The following PTCHD4 variants were observed in gnomAD, a reference collection of about 807,000 sequenced individuals.
The protein encoded by PTCHD4 is patched domain containing 4, also known as patched domain-containing protein 4.
Under a neutral mutation model 58.1 loss-of-function variants are expected in PTCHD4, and 33 were observed. That is an observed-to-expected ratio of 0.57 (90% CI 0.43 to 0.76). PTCHD4 has a LOEUF of 0.76. Ranked by LOEUF, PTCHD4 falls within the 30% of genes least tolerant of loss-of-function variation. PTCHD4 has a pLI of 0.00. For missense variants in PTCHD4, 1,058 were observed against 1,027.1 expected (o/e 1.03, Z -0.41); for synonymous variants, 478 against 409.6 (o/e 1.17, Z -2.02).
At chr6:48,006,914 C>T (rs1379452379) in intron 4 of PTCHD4, among the ~76,000 whole-genome samples, 1 of 152,064 alleles carries the variant, frequency 6.6e-6, no homozygotes, top group Non-Finnish European at 1.5e-5. Flanking sequence ...CATTATATTC[C>T]CCATTTTATA....
intron 4 of PTCHD4, among the ~76,000 whole-genome samples, chr6:47,974,519 G>C (rs75908009): frequency 2.7e-5 from 4 of 149,926 alleles, no homozygotes; most frequent in African/African-American, 7.5e-5. Context: ...TTGTTGTTGT[G>C]GGGGGGGCTG....
At chr6:48,020,379 G>GA (rs1763023310) in intron 3 of PTCHD4, among the ~76,000 whole-genome samples, 1 of 151,986 alleles carries the variant, frequency 6.6e-6, no homozygotes. Context: ...GGGATTCTTG[G>GA]AAAAAATTTA....
At chr6:47,970,436 G>GA (rs1312278377) in intron 4 of PTCHD4, among the ~76,000 whole-genome samples, 1 of 152,150 alleles carries the variant, frequency 6.6e-6, no homozygotes, top group African/African-American at 2.4e-5. Flanking sequence ...CAGAATCTTA[G>GA]AAAAATGCAA....
At chr6:47,950,248 AG>A (rs1766592013) in intron 4 of PTCHD4, among the ~76,000 whole-genome samples, 1 of 152,100 alleles carries the variant, frequency 6.6e-6, no homozygotes, top group African/African-American at 2.4e-5. Flanking sequence ...GAGGGTTTGA[AG>A]GGGGAAAGTT....
chr6:47,984,225 A>G (rs1365941191), intron 4 of PTCHD4, among the ~76,000 whole-genome samples: 1 of 152,156 alleles, frequency 6.6e-6, no homozygotes, highest in Admixed American at 6.5e-5. Flanking sequence ...TAAAGATACT[A>G]CCTGAAACTG....
intron 4 of PTCHD4, among the ~76,000 whole-genome samples, chr6:47,888,911 G>C (rs1764285391): frequency 9.6e-6 from 1 of 104,558 alleles, no homozygotes; most frequent in Non-Finnish European, 1.9e-5. Context: ...TGCGGTGTTT[G>C]GTTTTTTGTT....
At position 47,859,313 on chromosome 6, in the gene PTCHD4, A is replaced by G. The variant is rs1763367131; in HGVS notation, c.*18990T>C. ...TACGAGCACAGTCCCTGCTCTGCCAAAGGAAACCATGTCTTTTGTTAAAGT... is the reference window on the plus strand; with the variant it reads ...TACGAGCACAGTCCCTGCTCTGCCAGAGGAAACCATGTCTTTTGTTAAAGT... On this transcript the variant is annotated 3_prime_UTR_variant, in exon 5 of 5. Coordinates refer to ENST00000339488, the MANE Select transcript of PTCHD4 (RefSeq NM_001384253.1). 6.6e-6 allele frequency among the ~76,000 whole-genome samples: 1 copy of G among 152,012 alleles called. No homozygotes were observed. Among genetic ancestry groups the G allele is most frequent in the Non-Finnish European group, 1.5e-5 (1 of 67,982 alleles).
intron 4 of PTCHD4, among the ~76,000 whole-genome samples, chr6:47,917,057 T>C (rs1765280534): frequency 6.6e-6 from 1 of 152,110 alleles, no homozygotes; most frequent in Admixed American, 6.6e-5. Context: ...CAACTTTGTA[T>C]GTAAAACATG....
In PTCHD4 at chr6:47,860,857, T is replaced by C. The variant is rs1298564806; in HGVS notation, c.*17446A>G. 5.3e-5 allele frequency among the ~76,000 whole-genome samples: 8 copies of C among 152,022 alleles called. No homozygotes were observed. Among genetic ancestry groups the C allele is most frequent in the Non-Finnish European group, 1.2e-4 (8 of 67,956 alleles). ...AAAATACTTTCATAAAAATTATTTA[T>C]CCTGAGATAAACTCTTTATGATTTT... is the stretch of plus-strand genomic sequence containing the variant. On this transcript the variant is annotated 3_prime_UTR_variant, in exon 5 of 5. Transcript: ENST00000339488.
rs190408641 is a variant in PTCHD4 at position 47,997,018 on chromosome 6, A to G, written c.898+11616T>C. Among the ~76,000 whole-genome samples, 427 of 152,342 alleles carry G rather than the reference A, an allele frequency of 2.8e-3. 5 individuals are homozygous for G. Among genetic ancestry groups the G allele is most frequent in the African/African-American group, 8.8e-3 (365 of 41,574 alleles). On this transcript the variant is annotated intron_variant, in intron 4 of 4. Transcript: ENST00000339488. The stretch of plus-strand genomic sequence containing the variant: ...CCGCATTGTGGCAACACAGTAAAGT[A>G]TATACCCTTGCCTCGACTCTTGATC...
chr6:47,896,040 T>G (rs1764519033), intron 4 of PTCHD4, among the ~76,000 whole-genome samples: 1 of 152,206 alleles, frequency 6.6e-6, no homozygotes, highest in African/African-American at 2.4e-5. Flanking sequence ...CTAAGATGTT[T>G]TGTAGATAAA....
chr6:47,926,149 G>T (rs114113096), intron 4 of PTCHD4, among the ~76,000 whole-genome samples: 5 of 152,328 alleles, frequency 3.3e-5, no homozygotes, highest in African/African-American at 9.6e-5. Flanking sequence ...TTGACAGGGC[G>T]TTGGAGTAAA....
intron 4 of PTCHD4, among the ~76,000 whole-genome samples, chr6:47,956,713 G>T (rs917033944): frequency 6.6e-6 from 1 of 152,116 alleles, no homozygotes; most frequent in Non-Finnish European, 1.5e-5. Context: ...GATTACAGGC[G>T]TGAGCCACTG....
In PTCHD4 at chr6:48,019,747, A is replaced by AAT. The variant is rs1554168811; in HGVS notation, c.418-10634_418-10633insAT. On this transcript the variant is annotated intron_variant, in intron 3 of 4. Coordinates refer to ENST00000339488, the MANE Select transcript of PTCHD4 (RefSeq NM_001384253.1). ...CGAGACTCCGTCTCAAAAAAAAAAA[A>AAT]AATAATAATATATGTACTGTGGCAG... Among the ~76,000 whole-genome samples the AAT allele has an allele frequency of 2.1e-3, 322 of 151,188 alleles. 1 individual carries two copies. The highest frequency in any genetic ancestry group is 6.5e-3 in the African/African-American group (267 of 41,336).
chr6:47,932,970 G>A (rs916452767), intron 4 of PTCHD4, among the ~76,000 whole-genome samples: 1 of 152,242 alleles, frequency 6.6e-6, no homozygotes, highest in Non-Finnish European at 1.5e-5. Context: ...ATCAAAGGAA[G>A]AGAGTATAGA....
intron 4 of PTCHD4, among the ~76,000 whole-genome samples, chr6:47,947,211 A>T (rs934283798): frequency 1.3e-5 from 2 of 152,112 alleles, no homozygotes; most frequent in Admixed American, 1.3e-4. Flanking sequence ...AAGTTTATCA[A>T]TATTTTCACC....
chr6:48,041,304 A>T (rs1763838819), intron 3 of PTCHD4, among the ~76,000 whole-genome samples: 2 of 152,058 alleles, frequency 1.3e-5, no homozygotes, highest in South Asian at 4.1e-4. Context: ...GTAATATAGG[A>T]CATCAGCTCT....
chr6:48,025,784 C>T (rs986153057), intron 3 of PTCHD4, among the ~76,000 whole-genome samples: 7 of 152,080 alleles, frequency 4.6e-5, no homozygotes, highest in Non-Finnish European at 8.8e-5. Flanking sequence ...ATACACACCC[C>T]CAAAATAACA....
intron 3 of PTCHD4, among the ~76,000 whole-genome samples, chr6:48,018,547 T>C (rs1762945363): frequency 6.6e-6 from 1 of 152,232 alleles, no homozygotes; most frequent in South Asian, 2.1e-4. Context: ...GAGAGAGTTC[T>C]TCTCAAATGG....
Sources: gnomAD v4.1 joint callset for allele counts (sites outside exome capture counted in the v4.1 genomes callset) on GRCh38, gnomAD v4.1.1 for gene constraint, MANE v1.5 for transcripts, NCBI Gene and HGNC (gene_info 2026-07-23, HGNC 2026-07-21) for gene names.